OPRM1: variants seen among roughly 807,000 people sequenced by gnomAD.
OPRM1 encodes mu-type opioid receptor.
A neutral mutation model predicts 31.8 loss-of-function variants in OPRM1; 27 were observed. The observed-to-expected ratio is 0.85, with a 90% confidence interval of 0.63 to 1.17. The LOEUF is 1.17. OPRM1 is among the 50% of genes most tolerant of loss of function. OPRM1 has a pLI of 0.00. For missense variants in OPRM1, 536 were observed against 511.1 expected, an observed-to-expected ratio of 1.05 and a Z score of -0.47; for synonymous variants, 196 against 189.9, an observed-to-expected ratio of 1.03 and a Z score of -0.26.
At chr6:154,114,787 C>T (rs1796692885) in intron 3 of OPRM1, among the ~76,000 whole-genome samples, 1 of 151,182 alleles carries the variant, frequency 6.6e-6, no homozygotes, top group Admixed American at 6.6e-5. Flanking sequence ...AAGGCTGCTA[C>T]ATTGAGATAT....
intron 3 of OPRM1, chr6:154,107,634 C>T (rs1795790475): frequency 2.8e-6 from 2 of 718,322 alleles, no homozygotes; most frequent in South Asian, 1.5e-5. Context: ...ATGACATGAA[C>T]CCTAAAATTC....
intron 3 of OPRM1, among the ~76,000 whole-genome samples, chr6:154,181,969 G>C (rs961128968): frequency 1.5e-4 from 23 of 152,272 alleles, no homozygotes; most frequent in African/African-American, 4.1e-4. Context: ...ACTCTAGTTG[G>C]GAAAGGTGAG....
downstream of OPRM1, among the ~76,000 whole-genome samples, chr6:154,136,561 G>A (rs568722545): frequency 3.9e-5 from 6 of 152,286 alleles, no homozygotes; most frequent in South Asian, 1.2e-3. Flanking sequence ...AGAATGGCCA[G>A]GGGGATCTCA....
intron 3 of OPRM1, among the ~76,000 whole-genome samples, chr6:154,214,696 C>T (rs139399999): frequency 1.2e-3 from 176 of 152,030 alleles, no homozygotes; most frequent in Non-Finnish European, 1.9e-3. Context: ...AAAAAATGTA[C>T]GAAAAGATCA....
At chr6:154,057,480 T>G (rs2128426784) in intron 1 of OPRM1, among the ~76,000 whole-genome samples, 1 of 152,344 alleles carries the variant, frequency 6.6e-6, no homozygotes, top group African/African-American at 2.4e-5. Context: ...GCTCACCTTA[T>G]TCCATCACCA....
chr6:154,209,968 A>C lies in OPRM1; in HGVS notation c.1165-36725A>C, dbSNP rs146863528. Among the ~76,000 whole-genome samples the C allele has an allele frequency of 4.2e-3, 637 of 152,362 alleles. 6 individuals are homozygous for C. The highest frequency in any genetic ancestry group is 0.014 in the African/African-American group (594 of 41,594). On this transcript the variant is annotated intron_variant, in intron 3 of 3. Transcript: ENST00000337049. ...GATTGATGATTCAAAAAATTTAAAG[A>C]TACTTCTGAGTTCAGTGACCTAACT...
intron 3 of OPRM1, among the ~76,000 whole-genome samples, chr6:154,234,054 A>G (rs1372586008): frequency 6.6e-6 from 1 of 152,152 alleles, no homozygotes; most frequent in African/African-American, 2.4e-5. Context: ...AAAAACATAC[A>G]AAAATTAGCA....
rs747381797 is a variant in OPRM1 at position 154,120,407 on chromosome 6, G to T, written c.*1686G>T. Among the ~76,000 whole-genome samples the T allele has an allele frequency of 7.2e-5, 11 of 152,024 alleles. No individual in the cohort carries two copies. Among genetic ancestry groups the T allele is most frequent in the Non-Finnish European group, 1.5e-4 (10 of 67,952 alleles). ...CAAAAGCCAAAATAAGTTTTTTAGTGTTTCCTTCTGATGAAGTTTCATGTT... is the reference window on the plus strand; with the variant it reads ...CAAAAGCCAAAATAAGTTTTTTAGTTTTTCCTTCTGATGAAGTTTCATGTT... On this transcript the variant is annotated 3_prime_UTR_variant, in exon 4 of 4. Transcript: ENST00000330432.
intron 3 of OPRM1, among the ~76,000 whole-genome samples, chr6:154,138,627 C>G (rs1349166759): frequency 6.6e-6 from 1 of 152,194 alleles, no homozygotes; most frequent in African/African-American, 2.4e-5. Flanking sequence ...CCCATCTTGC[C>G]TCTAACCTCC....
Position 154,233,606 on chromosome 6 carries a change from T to C in OPRM1, c.1165-13087T>C, listed in dbSNP as rs139558577. Among the ~76,000 whole-genome samples the C allele has an allele frequency of 1.0e-3, 152 of 152,258 alleles. 1 individual carries two copies. The highest frequency in any genetic ancestry group is 3.5e-3 in the African/African-American group (147 of 41,552). The stretch of plus-strand genomic sequence containing the variant: ...GAACCCAGAGATTCTTGGCATTGAT[T>C]ATAAAAACAGATGGAAAGAATTGAT... On this transcript the variant is annotated intron_variant, in intron 3 of 3. Coordinates refer to the OPRM1 transcript ENST00000337049.
At chr6:154,165,790 A>G (rs960833630) in intron 3 of OPRM1, among the ~76,000 whole-genome samples, 5 of 152,246 alleles carry the variant, frequency 3.3e-5, no homozygotes, top group African/African-American at 1.2e-4. Context: ...GTTATAACCC[A>G]TCTCACTCAC....
At chr6:154,089,568 CA>C (rs1209677519) in intron 1 of OPRM1, among the ~76,000 whole-genome samples, 7 of 116,082 alleles carry the variant, frequency 6.0e-5, no homozygotes, top group African/African-American at 3.5e-5. Context: ...GCCTGGGTAA[CA>C]GGGCAAGATC....
chr6:154,010,912 C>A (rs557300465), exon 1 of OPRM1: 1 of 1,314,300 alleles, frequency 7.6e-7, no homozygotes, highest in Non-Finnish European at 9.9e-7. Context: ...GCCCTTACAT[C>A]CCATCAAAAT....
intron 1 of OPRM1, among the ~76,000 whole-genome samples, chr6:154,033,801 A>G (rs1206514055): frequency 6.6e-6 from 1 of 152,208 alleles, no homozygotes; most frequent in Non-Finnish European, 1.5e-5. Context: ...GGGGTCTCTA[A>G]GACTCTTTCC....
chr6:154,090,181 G>A lies in OPRM1; in HGVS notation c.643+3G>A, dbSNP rs556622358. The A allele has an allele frequency of 6.3e-7, 1 of 1,597,264 alleles. No homozygotes were observed. The highest frequency in any genetic ancestry group is 2.2e-5 in the East Asian group (1 of 44,816). ...GGCTACAACAAAATACAGGCAAGGT[G>A]AGTGATGTTACCAGCCTGAGGGAAG... On this transcript the variant is annotated splice_donor_region_variant and intron_variant, in intron 2 of 3. Transcript: ENST00000330432.
chr6:154,044,814 A>G (rs956461740), intron 1 of OPRM1, among the ~76,000 whole-genome samples: 1 of 152,238 alleles, frequency 6.6e-6, no homozygotes, highest in Non-Finnish European at 1.5e-5. Flanking sequence ...AGTTGAAAAT[A>G]TTATTTCTCC....
chr6:154,043,052 G>A (rs1341407191), intron 1 of OPRM1, among the ~76,000 whole-genome samples: 1 of 152,102 alleles, frequency 6.6e-6, no homozygotes, highest in Non-Finnish European at 1.5e-5. Flanking sequence ...AATCCCAGAT[G>A]TGTTTATGTT....
At chr6:154,014,642 C>T (rs1379926893) in intron 1 of OPRM1, among the ~76,000 whole-genome samples, 1 of 151,966 alleles carries the variant, frequency 6.6e-6, no homozygotes, top group Non-Finnish European at 1.5e-5. Context: ...GAATACGTTA[C>T]TGCTGGGCCC....
At chr6:154,191,308 T>A (rs1455168050) in intron 3 of OPRM1, among the ~76,000 whole-genome samples, 1 of 152,162 alleles carries the variant, frequency 6.6e-6, no homozygotes, top group Non-Finnish European at 1.5e-5. Flanking sequence ...GTCTGTATGA[T>A]ACTGTATTAG....
Sources: allele counts gnomAD v4.1 joint callset (sites outside exome capture counted in the v4.1 genomes callset), GRCh38; gene constraint gnomAD v4.1.1; transcripts MANE v1.5; gene names NCBI Gene and HGNC (gene_info 2026-07-23, HGNC 2026-07-21).